Variants in KIAA1549 observed in about 807,000 individuals in gnomAD.
KIAA1549 encodes the protein UPF0606 protein KIAA1549.
In KIAA1549, 70 loss-of-function variants were observed where a neutral mutation model predicts 156.4. The ratio of observed to expected loss-of-function variants is 0.45; its 90% confidence interval spans 0.37 to 0.55. The LOEUF (loss-of-function observed/expected upper bound fraction) is 0.55. KIAA1549 is among the 20% of genes least tolerant of loss of function. KIAA1549 has a pLI of 0.00. For synonymous variants in KIAA1549, 1,103 were observed against 1,066.4 expected (o/e 1.03, Z -0.67); for missense variants, 2,428 against 2,540.9 (o/e 0.96, Z 0.96).
intron 15 of KIAA1549, among the ~76,000 whole-genome samples, chr7:138,863,223 T>C (rs1007225798): frequency 3.4e-4 from 51 of 151,304 alleles, no homozygotes; most frequent in African/African-American, 1.2e-3. Flanking sequence ...GGGGACCCCA[T>C]ACCCTCTGTG....
At chr7:138,937,101 C>T (rs566341536) in intron 1 of KIAA1549, among the ~76,000 whole-genome samples, 2 of 152,240 alleles carry the variant, frequency 1.3e-5, no homozygotes, top group East Asian at 1.9e-4. Context: ...TTCAGCTCCC[C>T]GTTCCCGCCT....
At chr7:138,880,472 C>T (rs1045842233) in intron 11 of KIAA1549, among the ~76,000 whole-genome samples, 1 of 152,188 alleles carries the variant, frequency 6.6e-6, no homozygotes, top group Non-Finnish European at 1.5e-5. Flanking sequence ...ACATCTATTA[C>T]ACTCTTATAA....
At chr7:138,843,359 T>G (rs549090688) in intron 18 of KIAA1549, among the ~76,000 whole-genome samples, 162 of 152,326 alleles carry the variant, frequency 1.1e-3, no homozygotes, top group Non-Finnish European at 1.8e-3. Flanking sequence ...TCTTTTCAGG[T>G]TGGCCCACTT....
intron 10 of KIAA1549, among the ~76,000 whole-genome samples, chr7:138,888,895 T>C (rs28706894): frequency 0.08 from 12,193 of 152,266 alleles, 592 homozygotes; most frequent in East Asian, 0.23. Context: ...AAAATTGATA[T>C]TGGATGCCAC....
chr7:138,891,602 C>A (rs1251278483), intron 10 of KIAA1549, among the ~76,000 whole-genome samples: 1 of 152,244 alleles, frequency 6.6e-6, no homozygotes, highest in East Asian at 1.9e-4. Flanking sequence ...TACTCCCAGA[C>A]AATCTGAAGA....
In KIAA1549 at chr7:138,917,557, T is replaced by C; in HGVS notation, c.2069A>G (p.Asn690Ser). ...SSQLSLPSST[N>S]LEFSQLQPSS... ...TGGCTGGAGCTGCGAAAACTCAAGA[T>C]TTGTGGAACTGGGAAGAGACAGCTG... Residue 690 changes from asparagine (N) to serine (S), a missense_variant, in exon 2 of 20, where the codon AAT (asparagine) becomes AGT (serine). Physicochemically the swap from Asn to Ser is conservative, Grantham distance 46. Around this residue, in one of 5 missense-constraint regions of KIAA1549, gnomAD observed 762 missense variants for 901.6 expected, o/e 0.85. Coordinates refer to ENST00000422774, the MANE Select transcript of KIAA1549 (RefSeq NM_001164665.2). 2.5e-6 allele frequency: 4 copies of C among 1,613,800 alleles called. No individual in the cohort carries two copies. The highest frequency in any genetic ancestry group is 3.4e-6 in the Non-Finnish European group (4 of 1,179,850).
chr7:138,964,117 G>A (rs959881228), intron 1 of KIAA1549, among the ~76,000 whole-genome samples: 1 of 152,156 alleles, frequency 6.6e-6, no homozygotes, highest in Non-Finnish European at 1.5e-5. Flanking sequence ...CTTAACCTAC[G>A]TTTGGTGAGC....
At chr7:138,976,558 CTGTTT>C (rs1291918371) in intron 1 of KIAA1549, among the ~76,000 whole-genome samples, 1 of 152,034 alleles carries the variant, frequency 6.6e-6, no homozygotes, top group South Asian at 2.1e-4. Context: ...TAGAACTGTT[CTGTTT>C]TGTTATTATT....
chr7:138,954,714 G>T (rs78597317), intron 1 of KIAA1549, among the ~76,000 whole-genome samples: 1 of 152,120 alleles, frequency 6.6e-6, no homozygotes. Context: ...TCTGCCGCTC[G>T]TGGAGAGGTA....
At chr7:138,901,946 T>G (rs1475486502) in intron 8 of KIAA1549, among the ~76,000 whole-genome samples, 2 of 126,266 alleles carry the variant, frequency 1.6e-5, no homozygotes, top group African/African-American at 6.1e-5. Flanking sequence ...AGAGCTTGCA[T>G]GTCAAATTTA....
At position 138,928,471 on chromosome 7, in the gene KIAA1549, G is replaced by C. The variant is rs141420141; in HGVS notation, c.188-9033C>G. Among the ~76,000 whole-genome samples, 1,298 of 152,012 alleles carry C rather than the reference G, an allele frequency of 8.5e-3. 17 individuals carry two copies. The highest frequency in any genetic ancestry group is 0.03 in the African/African-American group (1,255 of 41,440). ...CCAGCTAATTTTTGTATTTTTAATA[G>C]AGACAGTGTTTCACCATGTTGGCTA... On this transcript the variant is annotated intron_variant, in intron 1 of 19. Transcript: ENST00000422774.
At chr7:138,962,929 T>C (rs533379956) in intron 1 of KIAA1549, among the ~76,000 whole-genome samples, 1 of 152,238 alleles carries the variant, frequency 6.6e-6, no homozygotes, top group Non-Finnish European at 1.5e-5. Context: ...CAACAGTTAC[T>C]GCCCTCTTTG....
At chr7:138,877,517 T>C (rs1328204743) in intron 12 of KIAA1549, among the ~76,000 whole-genome samples, 1 of 152,048 alleles carries the variant, frequency 6.6e-6, no homozygotes, top group African/African-American at 2.4e-5. Context: ...TTTTAAAAAA[T>C]AAAATAACTG....
At position 138,968,693 on chromosome 7, in the gene KIAA1549, A is replaced by AAAT. The variant is rs138233736; in HGVS notation, c.187+12387_187+12389dup. Reference sequence around the variant, plus strand: ...AAACCCCGTCTCTACTAAAAATACAAAATAATAATAATAATAATTAGCCAG... The same window carrying AAAT: ...AAACCCCGTCTCTACTAAAAATACAAAATAATAATAATAATAATAATTAGCCAG... On this transcript the variant is annotated intron_variant, in intron 1 of 19. Coordinates refer to ENST00000422774, the MANE Select transcript of KIAA1549 (RefSeq NM_001164665.2). Among the ~76,000 whole-genome samples, 753 of 151,084 alleles carry AAAT rather than the reference A, an allele frequency of 5.0e-3. 8 individuals are homozygous for AAAT. Among genetic ancestry groups the AAAT allele is most frequent in the African/African-American group, 0.018 (731 of 41,066 alleles).
rs1280823844 is a variant in KIAA1549, at chr7:138,918,156, G to A, written c.1470C>T (p.Ile490=). 42 of 1,613,838 alleles carry A rather than the reference G, an allele frequency of 2.6e-5. No individual in the cohort carries two copies. Among genetic ancestry groups the A allele is most frequent in the Middle Eastern group, 1.6e-4 (1 of 6,084 alleles). The part of the protein sequence containing the change: ...VFNTLFPSRP[I]VPLSSRSMEI... ...CCATGGATCTAGAAGAAAGTGGGAC[G>A]ATAGGTCTGGAGGGGAAAAGCGTAT... Residue 490 remains isoleucine, a synonymous_variant, in exon 2 of 20, where the codon ATC becomes ATT. Transcript: ENST00000422774. This position sits in a 1 kb window ranked among gnomAD's most constrained non-coding sequence, Gnocchi z 4.2.
chr7:138,887,673 T>C (rs1034966212), intron 10 of KIAA1549, among the ~76,000 whole-genome samples: 9 of 152,214 alleles, frequency 5.9e-5, no homozygotes. Context: ...CCCAGAGATG[T>C]AGAAACCTCG....
Position 138,849,681 on chromosome 7 carries a change from C to T in KIAA1549, c.5294+2542G>A, listed in dbSNP as rs111940810. 1.1e-3 allele frequency among the ~76,000 whole-genome samples: 166 copies of T among 151,850 alleles called. 1 individual carries two copies. The highest frequency in any genetic ancestry group is 3.9e-3 in the African/African-American group (161 of 41,410). ...ATCTCCTAGGTACTAAGCCTAGTACCCAATAGTTATTTTTTCTGCTCCTCT... is the reference window on the plus strand; with the variant it reads ...ATCTCCTAGGTACTAAGCCTAGTACTCAATAGTTATTTTTTCTGCTCCTCT... On this transcript the variant is annotated intron_variant, in intron 17 of 19. Transcript: ENST00000422774.
At chr7:138,924,268 G>A (rs1045346597) in intron 1 of KIAA1549, among the ~76,000 whole-genome samples, 3 of 148,566 alleles carry the variant, frequency 2.0e-5, no homozygotes, top group African/African-American at 5.0e-5. Context: ...ATAAAATCAC[G>A]GTTCTGTCAA....
intron 8 of KIAA1549, among the ~76,000 whole-genome samples, chr7:138,900,769 T>C (rs1471878362): frequency 6.6e-6 from 1 of 152,366 alleles, no homozygotes; most frequent in Non-Finnish European, 1.5e-5. Context: ...TCTCTCTCGC[T>C]TCCTCTCTCG....
Sources: allele counts gnomAD v4.1 joint callset (sites outside exome capture counted in the v4.1 genomes callset), GRCh38; gene constraint gnomAD v4.1.1; regional missense constraint gnomAD v4.1.1; non-coding constraint Gnocchi (gnomAD v3.1); transcripts MANE v1.5; gene names NCBI Gene and HGNC (gene_info 2026-07-23, HGNC 2026-07-21).